The following RANBP1 variants were observed in gnomAD, a reference collection of about 807,000 sequenced individuals.
RANBP1 encodes the protein RAN binding protein 1, also known as ran-specific GTPase-activating protein.
RANBP1 carries 16 observed loss-of-function variants against 31.4 expected under a neutral mutation model. The observed-to-expected ratio is 0.51, with a 90% confidence interval of 0.34 to 0.77. The LOEUF (loss-of-function observed/expected upper bound fraction) is 0.77. RANBP1 is among the 30% of genes least tolerant of loss of function. The pLI is 0.01. For missense variants in RANBP1, 265 were observed against 362.0 expected, an observed-to-expected ratio of 0.73 and a Z score of 2.17; for synonymous variants, 129 against 140.5, an observed-to-expected ratio of 0.92 and a Z score of 0.58.
In RANBP1 at chr22:20,117,830, C is replaced by T. The variant is rs1217824490; in HGVS notation, c.247-1183C>T. 7.8e-6 allele frequency: 8 copies of T among 1,020,072 alleles called. No individual in the cohort carries two copies. In the East Asian group the frequency reaches 6.7e-4, roughly 85 times the overall value. 63.2% of individuals were successfully genotyped at this position (1,020,072 alleles called of 1,614,324 possible). A position where few individuals can be genotyped will look rare whatever the true frequency, so the allele number is the denominator to read the frequency against. On this transcript the variant is annotated intron_variant, in intron 1 of 5. Coordinates refer to ENST00000430524, the MANE Select transcript of RANBP1 (RefSeq NM_001278639.2). ...AGTCGGGGCGCGTGGGGTTTGGGGG[C>T]TCGAGGCCTGCGGAGTTGGGGCGTT...
chr22:20,125,139 C>T (rs1318609280), intron 3 of RANBP1, 169 bp from the exon 4 acceptor site: 18 of 688,960 alleles, frequency 2.6e-5, no homozygotes, highest in Admixed American at 5.8e-5. Context: ...TTGAATAAAA[C>T]TCAGGCGCCG....
intron 4 of RANBP1, 140 bp from the exon 5 acceptor site, chr22:20,126,163 T>A: frequency 1.0e-6 from 1 of 1,002,438 alleles, no homozygotes; most frequent in Admixed American, 2.4e-5. Flanking sequence ...CCAGGGCCGA[T>A]GTCAGGTGGA....
intron 1 of RANBP1, chr22:20,118,270 A>G (rs2050092216): frequency 2.0e-6 from 2 of 1,002,466 alleles, no homozygotes; most frequent in Non-Finnish European, 2.4e-6. Context: ...GTTTGAGTCT[A>G]GTGGTGAAGT....
chr22:20,117,498 G>A, intron 1 of RANBP1: 1 of 1,273,354 alleles, frequency 7.9e-7, no homozygotes, highest in Non-Finnish European at 9.9e-7. Flanking sequence ...TGGGGTCAGG[G>A]GTCGAGGTTC....
chr22:20,122,658 A>ATG, intron 3 of RANBP1: 3 of 1,418,862 alleles, frequency 2.1e-6, no homozygotes, highest in Middle Eastern at 1.9e-4. Context: ...ACGGGCCCTG[A>ATG]TGGGAGGACG....
chr22:20,116,250 C>A lies in RANBP1; in HGVS notation c.66C>A (p.Cys22Ter). The change falls in exon 1 of 6, where the codon TGC (cysteine) becomes TGA (stop). Residue 22 changes from cysteine to a stop codon, truncating the protein, a stop_gained. Transcript: ENST00000430524. LOFTEE classifies it high-confidence loss of function. ...LSGRPFQRAPCKTRRALSLSA... is the reference protein window; with the variant it reads ...LSGRPFQRAP ...GGCGGCCTTTCCAGAGGGCACCATG[C>A]AAAACGCGCAGGGCCTTGTCCCTCT... 1.2e-6 allele frequency: 2 copies of A among 1,612,934 alleles called. No homozygotes were observed. The highest frequency in any genetic ancestry group is 1.7e-6 in the Non-Finnish European group (2 of 1,180,018).
chr22:20,116,838 T>TCCCCCC, intron 1 of RANBP1: 1 of 753,718 alleles, frequency 1.3e-6, no homozygotes, highest in Admixed American at 2.9e-5. Context: ...CCCCGCCTCC[T>TCCCCCC]CCCACCCCAT....
In RANBP1 at chr22:20,122,437, G is replaced by A. The variant is rs552051413; in HGVS notation, c.541+16G>A. ...AACCACTACAGTAGGTGGCATGAAC[G>A]ACCACCTCGACAGTCCCCAGCAGCT... On this transcript the variant is annotated intron_variant, in intron 3 of 5. Transcript: ENST00000430524. 2 of 1,610,790 alleles carry A rather than the reference G, an allele frequency of 1.2e-6. No homozygotes were observed. Among genetic ancestry groups the A allele is most frequent in the South Asian group, 1.1e-5 (1 of 90,972 alleles).
Position 20,119,075 on chromosome 22 carries a change from G to T in RANBP1, c.309G>T (p.Gln103His). The T allele has an allele frequency of 6.2e-7, 1 of 1,612,694 alleles. No individual in the cohort carries two copies. Among genetic ancestry groups the T allele is most frequent in the South Asian group, 1.1e-5 (1 of 91,052 alleles). Reference protein sequence around the residue: ...ENTDESNHDPQFEPIVSLPEQ... With the variant: ...ENTDESNHDPHFEPIVSLPEQ... ...CAGACGAGTCCAACCATGACCCTCA[G>T]TTTGAGCCAATAGTTTCTCTTCCTG... The change falls in exon 2 of 6, where the codon CAG becomes CAT. Residue 103 changes from glutamine (Q) to histidine (H), a missense_variant. This residue lies in a region of RANBP1 where 90 missense variants were observed against 190.5 expected (regional missense o/e 0.47). Transcript: ENST00000430524.
At chr22:20,117,157 G>C in intron 1 of RANBP1, 1 of 557,554 alleles carries the variant, frequency 1.8e-6, no homozygotes, top group Admixed American at 4.0e-5. Flanking sequence ...CCAGGGGCCC[G>C]CGCCGGCCGC....
chr22:20,118,750 G>C (rs1011757137), intron 1 of RANBP1, among the ~76,000 whole-genome samples: 1 of 152,208 alleles, frequency 6.6e-6, no homozygotes, highest in African/African-American at 2.4e-5. Context: ...ATCAGTCTGT[G>C]CACAGATCTG....
chr22:20,117,961 G>A, intron 1 of RANBP1: 16 of 1,005,522 alleles, frequency 1.6e-5, no homozygotes, highest in Non-Finnish European at 1.9e-5. Flanking sequence ...CAGCCTCCAG[G>A]AACTGGTGCG....
At chr22:20,120,151 G>T (rs183347234) in intron 2 of RANBP1, among the ~76,000 whole-genome samples, 13 of 152,366 alleles carry the variant, frequency 8.5e-5, no homozygotes, top group Admixed American at 8.5e-4. Context: ...TTGCTCTGGG[G>T]TGGGAGAGGG....
At chr22:20,119,903 A>G (rs759381570) in intron 2 of RANBP1, among the ~76,000 whole-genome samples, 14 of 152,192 alleles carry the variant, frequency 9.2e-5, no homozygotes, top group Admixed American at 3.9e-4. Flanking sequence ...AATTCTGTAC[A>G]TGTGCTTCTT....
intron 1 of RANBP1, chr22:20,116,872 C>T (rs1357856775): frequency 1.3e-5 from 21 of 1,603,914 alleles, no homozygotes; most frequent in Non-Finnish European, 1.8e-5. Flanking sequence ...CAGCGTCTCC[C>T]CGCACTCTAC....
chr22:20,125,351 T>C lies in RANBP1; in HGVS notation c.585T>C (p.Arg195=), dbSNP rs770661648. 1.9e-6 allele frequency: 3 copies of C among 1,611,704 alleles called. No individual in the cohort carries two copies. Among genetic ancestry groups the C allele is most frequent in the Non-Finnish European group, 2.5e-6 (3 of 1,179,902 alleles). The stretch of plus-strand genomic sequence containing the variant: ...TGAAGCCCAACGCAGGTAGCGACCG[T>C]GCCTGGGTCTGGAACACCCACGCTG... The part of the protein sequence containing the change: ...MELKPNAGSD[R]AWVWNTHADF... The change falls in exon 4 of 6, where the codon CGT becomes CGC. Residue 195 remains arginine, a synonymous_variant. Coordinates refer to ENST00000430524, the MANE Select transcript of RANBP1 (RefSeq NM_001278639.2).
At chr22:20,126,876 G>C in intron 5 of RANBP1, 76 bp from the exon 6 acceptor site, 1 of 1,545,942 alleles carries the variant, frequency 6.5e-7, no homozygotes, top group Non-Finnish European at 8.9e-7. Context: ...GACGGCACTT[G>C]GGACCAGCCT....
intron 3 of RANBP1, 192 bp downstream of exon 3, chr22:20,122,613 A>C: frequency 6.6e-7 from 1 of 1,523,674 alleles, no homozygotes; most frequent in Non-Finnish European, 8.8e-7. Flanking sequence ...GCCCGCAGCG[A>C]AGCTTAGAGC....
At chr22:20,119,214 C>T (rs1044597283) in intron 2 of RANBP1, 65 bp downstream of exon 2, 126 of 1,514,680 alleles carry the variant, frequency 8.3e-5, no homozygotes, top group Non-Finnish European at 9.9e-5. Flanking sequence ...TTATGGGTGT[C>T]CAGGTTTTGG....
Sources: allele counts gnomAD v4.1 joint callset (sites outside exome capture counted in the v4.1 genomes callset), GRCh38; gene constraint gnomAD v4.1.1; regional missense constraint gnomAD v4.1.1; transcripts MANE v1.5; gene names NCBI Gene and HGNC (gene_info 2026-07-23, HGNC 2026-07-21).